Variants in TTLL13 observed in about 807,000 individuals in gnomAD.
The protein encoded by TTLL13 is tubulin tyrosine ligase like 13.
At chr15:90,257,173 A>G in the TTLL13 span, 1 of 1,613,540 alleles carries the variant, frequency 6.2e-7, no homozygotes, top group Non-Finnish European at 8.5e-7. Flanking sequence ...TTGATATGCG[A>G]GTCTACGTCC....
chr15:90,250,027 G>A, the TTLL13 span, among the ~76,000 whole-genome samples: 21 of 151,034 alleles, frequency 1.4e-4, no homozygotes, highest in Admixed American at 7.3e-4. Flanking sequence ...GTGTGATCTC[G>A]GCTCACTGCA....
chr15:90,254,708 G>A, the TTLL13 span, among the ~76,000 whole-genome samples: 5 of 151,736 alleles, frequency 3.3e-5, no homozygotes, highest in Admixed American at 6.6e-5. Context: ...TTAGCCAGGC[G>A]TAGTGGTGCA....
At chr15:90,262,512 GC>G in the TTLL13 span, 1 of 1,512,038 alleles carries the variant, frequency 6.6e-7, no homozygotes, top group African/African-American at 1.4e-5. Context: ...GAGGAGATCC[GC>G]CTTAAGCAGG....
At chr15:90,259,755 A>C in the TTLL13 span, among the ~76,000 whole-genome samples, 2 of 152,242 alleles carry the variant, frequency 1.3e-5, no homozygotes, top group Non-Finnish European at 2.9e-5. Context: ...AGAAACACAG[A>C]AAACAGTTTA....
the TTLL13 span, chr15:90,256,379 G>T: frequency 1.3e-6 from 2 of 1,571,708 alleles, no homozygotes; most frequent in Non-Finnish European, 1.7e-6. Context: ...CAGGGAGGAA[G>T]CTGGTCTTAG....
chr15:90,264,175 A>G, the TTLL13 span: 20 of 663,534 alleles, frequency 3.0e-5, no homozygotes, highest in East Asian at 5.4e-4. Flanking sequence ...AGAATGGGGA[A>G]GTTAGGGTAC....
At chr15:90,264,900 T>G in the TTLL13 span, 6 of 1,535,986 alleles carry the variant, frequency 3.9e-6, no homozygotes, top group African/African-American at 1.4e-5. Context: ...AAGGTTCCCC[T>G]CTGCCCTGCG....
chr15:90,257,065 G>A, the TTLL13 span: 3 of 1,386,038 alleles, frequency 2.2e-6, no homozygotes, highest in Middle Eastern at 1.8e-4. Context: ...CTATGTGTGT[G>A]AAGCACTTAG....
the TTLL13 span, chr15:90,258,498 G>A: frequency 1.6e-6 from 1 of 615,932 alleles, no homozygotes; most frequent in Non-Finnish European, 2.8e-6. Flanking sequence ...GGGATCCCCA[G>A]TGCCCTAATG....
chr15:90,254,699 T>C, the TTLL13 span, among the ~76,000 whole-genome samples: 4 of 151,258 alleles, frequency 2.6e-5, no homozygotes, highest in South Asian at 8.4e-4. Context: ...AAAAAAATAT[T>C]AGCCAGGCGT....
the TTLL13 span, chr15:90,251,484 G>T: frequency 7.0e-7 from 1 of 1,426,516 alleles, no homozygotes; most frequent in Admixed American, 1.7e-5. Context: ...GAATTTGTTG[G>T]ATGTCTTTTC....
the TTLL13 span, chr15:90,263,210 G>T: frequency 7.1e-7 from 1 of 1,404,070 alleles, no homozygotes. Context: ...AGGACATGGT[G>T]TTGGTCTCAA....
the TTLL13 span, among the ~76,000 whole-genome samples, chr15:90,260,905 G>A: frequency 2.7e-3 from 413 of 150,876 alleles, 2 homozygotes; most frequent in African/African-American, 9.0e-3. Context: ...AAGGACACAC[G>A]CATGCACGCA....
At chr15:90,260,008 G>C in the TTLL13 span, among the ~76,000 whole-genome samples, 1 of 152,174 alleles carries the variant, frequency 6.6e-6, no homozygotes, top group Non-Finnish European at 1.5e-5. Context: ...CAGGGCCTGG[G>C]ACACCGTAAG....
the TTLL13 span, chr15:90,262,477 G>C: frequency 2.0e-6 from 3 of 1,467,538 alleles, no homozygotes; most frequent in Non-Finnish European, 2.7e-6. Context: ...GTCTGAAGCT[G>C]CTGTGTCTTG....
chr15:90,257,179 C>T, the TTLL13 span: 26 of 1,613,940 alleles, frequency 1.6e-5, no homozygotes, highest in Admixed American at 5.0e-5. Context: ...TGCGAGTCTA[C>T]GTCCTGATCA....
the TTLL13 span, chr15:90,255,993 T>G: frequency 6.3e-7 from 1 of 1,576,444 alleles, no homozygotes; most frequent in Non-Finnish European, 8.6e-7. Context: ...GGAAGTGGAA[T>G]GAGAAAGTTT....
the TTLL13 span, among the ~76,000 whole-genome samples, chr15:90,251,280 A>T: frequency 2.7e-5 from 3 of 109,502 alleles, no homozygotes; most frequent in South Asian, 3.4e-4. Context: ...CGCATGGCAA[A>T]TTTTTTTTTT....
chr15:90,265,133 A>G, the TTLL13 span: 3,669 of 1,232,150 alleles, frequency 3.0e-3, 97 homozygotes, highest in African/African-American at 0.049. Flanking sequence ...GAATTCCTCA[A>G]TACCCTAAGA....
Sources: gnomAD v4.1 joint callset for allele counts (sites outside exome capture counted in the v4.1 genomes callset) on GRCh38, gnomAD v4.1.1 for gene constraint, MANE v1.5 for transcripts, NCBI Gene and HGNC (gene_info 2026-07-23, HGNC 2026-07-21) for gene names.